PRPH2: variants seen among roughly 807,000 people sequenced by gnomAD.
The protein encoded by PRPH2 is peripherin-2.
Under a neutral mutation model 31.3 loss-of-function variants are expected in PRPH2, and 17 were observed. That is an observed-to-expected ratio of 0.54 (90% CI 0.37 to 0.81). PRPH2 has a LOEUF of 0.81. Among genes scored for constraint, PRPH2 ranks in the 40% least tolerant of loss-of-function variants. The pLI is 0.00. For synonymous variants in PRPH2, 165 were observed against 184.4 expected, an observed-to-expected ratio of 0.89 and a Z score of 0.85; for missense variants, 430 against 439.7, an observed-to-expected ratio of 0.98 and a Z score of 0.20.
At chr6:42,713,749 C>T (rs986675058) in intron 1 of PRPH2, among the ~76,000 whole-genome samples, 6 of 151,444 alleles carry the variant, frequency 4.0e-5, no homozygotes, top group African/African-American at 1.5e-4. Context: ...GGAGAAACCC[C>T]GTCTCTAGAA....
chr6:42,707,665 G>A (rs1187735198), intron 1 of PRPH2, among the ~76,000 whole-genome samples: 1 of 152,172 alleles, frequency 6.6e-6, no homozygotes, highest in African/African-American at 2.4e-5. Flanking sequence ...CTTTTGGTGT[G>A]CTCAAGGGCC....
At chr6:42,698,687 ACT>A (rs1174554176) in intron 2 of PRPH2, among the ~76,000 whole-genome samples, 180 bp from the exon 3 acceptor site, 1 of 150,578 alleles carries the variant, frequency 6.6e-6, no homozygotes, top group Non-Finnish European at 1.5e-5. Context: ...AACACACCTG[ACT>A]CTTCTCCAGC....
At chr6:42,699,962 C>CT (rs70990126) in intron 2 of PRPH2, among the ~76,000 whole-genome samples, 1,402 of 137,848 alleles carry the variant, frequency 0.01, 43 homozygotes, top group African/African-American at 0.02. Flanking sequence ...ATTGTTTTCA[C>CT]TTTTTTTTTT....
chr6:42,704,062 T>C (rs1223968592), intron 2 of PRPH2, among the ~76,000 whole-genome samples: 2 of 149,666 alleles, frequency 1.3e-5, no homozygotes, highest in East Asian at 2.0e-4. Flanking sequence ...ATCATGCCAC[T>C]GCACTCCAGC....
intron 1 of PRPH2, among the ~76,000 whole-genome samples, chr6:42,721,088 AG>A (rs1311993089): frequency 6.6e-6 from 1 of 152,220 alleles, no homozygotes; most frequent in African/African-American, 2.4e-5. Context: ...AGGCAGGGCT[AG>A]GAGGTGACTT....
In PRPH2 at chr6:42,722,570, C is replaced by T. The variant is rs559487561; in HGVS notation, c.-236G>A. The T allele has an allele frequency of 3.5e-5, 49 of 1,405,628 alleles. No individual in the cohort carries two copies. The highest frequency in any genetic ancestry group is 3.9e-5 in the Non-Finnish European group (42 of 1,080,818). 87.1% of individuals were successfully genotyped at this position (1,405,628 alleles called of 1,614,324 possible). On this transcript the variant is annotated 5_prime_UTR_variant, in exon 1 of 3. Coordinates refer to ENST00000230381, the MANE Select transcript of PRPH2 (RefSeq NM_000322.5). This position sits in a 1 kb window ranked among gnomAD's most constrained non-coding sequence, Gnocchi z 4.4. ...AGCAGGGGATAGTCCTGGTCCTGGG[C>T]GTTGTTTCTTCAGCGCCCTTCCCAG...
chr6:42,707,608 G>A (rs1800192264), intron 1 of PRPH2, among the ~76,000 whole-genome samples: 1 of 152,144 alleles, frequency 6.6e-6, no homozygotes, highest in Non-Finnish European at 1.5e-5. Flanking sequence ...CAGTATCTCA[G>A]AGTTGTTTTC....
chr6:42,712,996 G>A (rs1761701321), intron 1 of PRPH2, among the ~76,000 whole-genome samples: 2 of 151,716 alleles, frequency 1.3e-5, no homozygotes, highest in South Asian at 2.1e-4. Flanking sequence ...AGGCCAAGGT[G>A]GGTGGATCAC....
chr6:42,717,271 A>G (rs1327433831), intron 1 of PRPH2, among the ~76,000 whole-genome samples: 2 of 151,740 alleles, frequency 1.3e-5, no homozygotes, highest in Non-Finnish European at 2.9e-5. Flanking sequence ...AAAAAAATAA[A>G]TAGGTGGACA....
chr6:42,719,890 A>G (rs1019020704), intron 1 of PRPH2, among the ~76,000 whole-genome samples: 6 of 152,140 alleles, frequency 3.9e-5, no homozygotes, highest in African/African-American at 1.4e-4. Flanking sequence ...TTATACTATC[A>G]TTACACTGTA....
rs558060514 is a variant in PRPH2 at position 42,722,130 on chromosome 6, C to A, written c.205G>T (p.Val69Leu). ...AGCGAGTTGAAGACACAGGATAGCA[C>A]CCCCATCCCTATCAATGAGTTGGGC... Reference protein sequence around the residue: ...FVPNSLIGMGVLSCVFNSLAG... With the variant: ...FVPNSLIGMGLLSCVFNSLAG... The change falls in exon 1 of 3, where the codon GTG becomes TTG. Residue 69 changes from valine (V) to leucine (L), a missense_variant. Coordinates refer to ENST00000230381, the MANE Select transcript of PRPH2 (RefSeq NM_000322.5). The surrounding 1 kb of genome is among the most constrained non-coding windows in gnomAD (Gnocchi z 4.4). 1.7e-4 allele frequency: 271 copies of A among 1,614,124 alleles called. 3 individuals carry two copies. In the South Asian group the frequency reaches 2.8e-3, roughly 17 times the overall value.
Position 42,698,032 on chromosome 6 carries a change from G to C in PRPH2, c.*263C>G. ...TGAGACAGCCCCCGAGTCACCAGGA[G>C]GGCATATCCTAGGGCAGCGGGCCTG... On this transcript the variant is annotated 3_prime_UTR_variant, in exon 3 of 3. Transcript: ENST00000230381. 1 of 508,674 alleles carries C rather than the reference G, an allele frequency of 2.0e-6. No homozygotes were observed. The highest frequency in any genetic ancestry group is 3.5e-6 in the Non-Finnish European group (1 of 281,752). 31.5% of individuals were successfully genotyped at this position (508,674 alleles called of 1,614,324 possible). A position where few individuals can be genotyped will look rare whatever the true frequency, so the allele number is the denominator to read the frequency against.
Position 42,722,317 on chromosome 6 carries a change from G to A in PRPH2, c.18C>T (p.Val6=), listed in dbSNP as rs762586733. MALLK[V]KFDQKKRVKL... is the part of the protein sequence containing the mutation. ...TGACCCGCTTCTTCTGGTCAAACTT[G>A]ACTTTCAGTAGCGCCATGCTTGCCA... is the stretch of plus-strand genomic sequence containing the variant. Residue 6 remains valine (V), a synonymous_variant, in exon 1 of 3, where the codon GTC becomes GTT. Transcript: ENST00000230381. The surrounding 1 kb of genome is among the most constrained non-coding windows in gnomAD (Gnocchi z 4.4). The A allele has an allele frequency of 6.8e-6, 11 of 1,613,780 alleles. No individual in the cohort carries two copies. The highest frequency in any genetic ancestry group is 2.7e-5 in the African/African-American group (2 of 74,932).
At chr6:42,708,911 C>T (rs2152006593) in intron 1 of PRPH2, among the ~76,000 whole-genome samples, 1 of 152,280 alleles carries the variant, frequency 6.6e-6, no homozygotes, top group South Asian at 2.1e-4. Flanking sequence ...TGCTGGAGGC[C>T]TCAGAAAATG....
At chr6:42,705,656 C>T (rs1448339964) in intron 1 of PRPH2, among the ~76,000 whole-genome samples, 2 of 131,024 alleles carry the variant, frequency 1.5e-5, no homozygotes, top group Non-Finnish European at 3.2e-5. Flanking sequence ...GGGTGCTTGT[C>T]ATCTAAATAA....
intron 1 of PRPH2, among the ~76,000 whole-genome samples, chr6:42,705,933 C>T (rs141077125): frequency 1.3e-4 from 18 of 142,336 alleles, no homozygotes; most frequent in Non-Finnish European, 2.3e-4. Context: ...CACTCCAGCC[C>T]GTACGATACA....
intron 1 of PRPH2, among the ~76,000 whole-genome samples, chr6:42,708,986 G>A (rs1171619897): frequency 6.6e-6 from 1 of 152,166 alleles, no homozygotes; most frequent in East Asian, 1.9e-4. Context: ...GTCCTACAGA[G>A]GAGCAAGTGG....
chr6:42,709,233 G>C (rs910327406), intron 1 of PRPH2, among the ~76,000 whole-genome samples: 1 of 151,134 alleles, frequency 6.6e-6, no homozygotes, highest in Admixed American at 6.6e-5. Context: ...GGGAGGCTGA[G>C]GCAGAAGAAT....
intron 1 of PRPH2, among the ~76,000 whole-genome samples, chr6:42,713,824 G>A (rs567922808): frequency 1.1e-4 from 17 of 150,728 alleles, no homozygotes; most frequent in African/African-American, 4.2e-4. Flanking sequence ...GGAGGCTGAG[G>A]CAGGAGAATC....
Sources: gnomAD v4.1 joint callset for allele counts (sites outside exome capture counted in the v4.1 genomes callset) on GRCh38, gnomAD v4.1.1 for gene constraint, Gnocchi (gnomAD v3.1) non-coding constraint, MANE v1.5 for transcripts, NCBI Gene and HGNC (gene_info 2026-07-23, HGNC 2026-07-21) for gene names.